CAPSL: variants seen among roughly 807,000 people sequenced by gnomAD.
CAPSL encodes the protein calcyphosine like.
Under a neutral mutation model 21.3 loss-of-function variants are expected in CAPSL, and 17 were observed. That is an observed-to-expected ratio of 0.80 (90% CI 0.55 to 1.20). The LOEUF (loss-of-function observed/expected upper bound fraction) is 1.20. CAPSL is among the 50% of genes most tolerant of loss of function. The pLI is 0.00. For synonymous variants in CAPSL, 102 were observed against 89.3 expected (o/e 1.14, Z -0.80); for missense variants, 289 against 259.3 (o/e 1.11, Z -0.79).
rs372951816 is a variant in CAPSL, at chr5:35,913,154, G to A, written c.138-2611C>T. Among the ~76,000 whole-genome samples, 17 of 152,226 alleles carry A rather than the reference G, an allele frequency of 1.1e-4. No homozygotes were observed. In the East Asian group the frequency reaches 1.4e-3, roughly 12 times the overall value. ...GAAATGAAGTGAGAAGAGAAGTTTA[G>A]AGATAAAAGAACAAAAAGAAATGAA... is the stretch of plus-strand genomic sequence containing the variant. On this transcript the variant is annotated intron_variant, in intron 2 of 4. Coordinates refer to ENST00000651391, the MANE Select transcript of CAPSL (RefSeq NM_001042625.2).
At chr5:35,907,729 T>G (rs1760711537) in intron 4 of CAPSL, among the ~76,000 whole-genome samples, 1 of 152,248 alleles carries the variant, frequency 6.6e-6, no homozygotes, top group Non-Finnish European at 1.5e-5. Flanking sequence ...CTAAATTTTT[T>G]GCATTATTTT....
chr5:35,911,655 A>C (rs1561436555), intron 2 of CAPSL, among the ~76,000 whole-genome samples: 1 of 152,214 alleles, frequency 6.6e-6, no homozygotes, highest in African/African-American at 2.4e-5. Context: ...CTAGGTAAAA[A>C]CTACGGAAGT....
chr5:35,912,456 C>A (rs1738253078), intron 2 of CAPSL, among the ~76,000 whole-genome samples: 1 of 152,126 alleles, frequency 6.6e-6, no homozygotes, highest in East Asian at 1.9e-4. Context: ...TGGGAGGCAC[C>A]CCCCAGTAGG....
chr5:35,922,319 C>A (rs1738560057), intron 1 of CAPSL, among the ~76,000 whole-genome samples: 1 of 152,172 alleles, frequency 6.6e-6, no homozygotes, highest in African/African-American at 2.4e-5. Flanking sequence ...AAGCCAATAA[C>A]TGAGGCCAGA....
At chr5:35,925,827 A>C (rs1738660127) in intron 1 of CAPSL, among the ~76,000 whole-genome samples, 1 of 152,160 alleles carries the variant, frequency 6.6e-6, no homozygotes, top group Non-Finnish European at 1.5e-5. Flanking sequence ...CTGTAATCCT[A>C]GCACTTTGGG....
chr5:35,921,262 T>C (rs1262596563), intron 1 of CAPSL, 142 bp from the exon 2 acceptor site: 1 of 968,342 alleles, frequency 1.0e-6, no homozygotes, highest in African/African-American at 1.6e-5. Context: ...TTTTTCTCTA[T>C]GCCAACTGTG....
chr5:35,915,516 T>C (rs1738355293), intron 2 of CAPSL, among the ~76,000 whole-genome samples: 1 of 152,138 alleles, frequency 6.6e-6, no homozygotes, highest in Non-Finnish European at 1.5e-5. Flanking sequence ...TCCACCATGA[T>C]CAAGTGGGCT....
chr5:35,915,401 C>G (rs995150006), intron 2 of CAPSL, among the ~76,000 whole-genome samples: 2 of 152,088 alleles, frequency 1.3e-5, no homozygotes, highest in Non-Finnish European at 2.9e-5. Context: ...GACAGAGACA[C>G]AACCAAAAAA....
chr5:35,926,211 G>A (rs1354365380), intron 1 of CAPSL, among the ~76,000 whole-genome samples: 1 of 152,176 alleles, frequency 6.6e-6, no homozygotes, highest in Non-Finnish European at 1.5e-5. Context: ...CCGTGTGGAC[G>A]GAGAGAGAAG....
In CAPSL at chr5:35,910,544, CTG is replaced by C. The variant is rs781449697; in HGVS notation, c.138-3_138-2del. The C allele has an allele frequency of 1.9e-6, 3 of 1,588,664 alleles. No individual in the cohort carries two copies. In the South Asian group the frequency reaches 3.4e-5, roughly 18 times the overall value. On this transcript the variant is annotated splice_acceptor_variant and splice_polypyrimidine_tract_variant and intron_variant, in intron 2 of 4. Transcript: ENST00000651391. LOFTEE classifies it high-confidence loss of function. ...ATCGTCATCCATAATTCTAAACACT[CTG>C]AAGAAAATACACACAAAAATTCAGA...
chr5:35,933,537 C>T (rs946846448), intron 1 of CAPSL, among the ~76,000 whole-genome samples: 7 of 152,134 alleles, frequency 4.6e-5, no homozygotes, highest in African/African-American at 1.7e-4. Flanking sequence ...GTGGTCACCA[C>T]AGGGCACTCA....
chr5:35,912,967 A>T (rs1242190993), intron 2 of CAPSL, among the ~76,000 whole-genome samples: 3 of 152,170 alleles, frequency 2.0e-5, no homozygotes, highest in Non-Finnish European at 4.4e-5. Context: ...TGAAAAAAAA[A>T]TTAGATGAAC....
Position 35,917,676 on chromosome 5 carries a change from T to C in CAPSL, c.137+3308A>G, listed in dbSNP as rs189589433. ...GTGGGAATTGAACAATGAGAACACA[T>C]GGACACAGGAAGGGGAACATCACAC... is the stretch of plus-strand genomic sequence containing the variant. On this transcript the variant is annotated intron_variant, in intron 2 of 4. Coordinates refer to ENST00000651391, the MANE Select transcript of CAPSL (RefSeq NM_001042625.2). 5.9e-3 allele frequency among the ~76,000 whole-genome samples: 902 copies of C among 151,994 alleles called. 4 individuals carry two copies. Among genetic ancestry groups the C allele is most frequent in the Non-Finnish European group, 8.7e-3 (592 of 67,978 alleles).
At chr5:35,933,739 G>GCTGTCATCCACCTCTCAACAGAGAA (rs1738876850) in intron 1 of CAPSL, among the ~76,000 whole-genome samples, 3 of 152,156 alleles carry the variant, frequency 2.0e-5, no homozygotes, top group African/African-American at 7.2e-5. Flanking sequence ...AGTAAGAAGA[G>GCTGTCATCCACCTCTCAACAGAGAA]CTGTCATCCA....
chr5:35,930,500 A>G (rs370848191), intron 1 of CAPSL, among the ~76,000 whole-genome samples: 2 of 152,236 alleles, frequency 1.3e-5, no homozygotes, highest in African/African-American at 4.8e-5. Flanking sequence ...CAATGTTTAA[A>G]GAGGCACACA....
chr5:35,929,542 T>C (rs1288015734), intron 1 of CAPSL, among the ~76,000 whole-genome samples: 1 of 152,124 alleles, frequency 6.6e-6, no homozygotes, highest in Admixed American at 6.5e-5. Flanking sequence ...CCACCCACCT[T>C]GGCCTCACAA....
intron 2 of CAPSL, among the ~76,000 whole-genome samples, chr5:35,914,899 C>CA (rs1738331494): frequency 6.6e-6 from 1 of 151,988 alleles, no homozygotes; most frequent in Non-Finnish European, 1.5e-5. Context: ...AAAAACTCTT[C>CA]AAAAAATCAT....
chr5:35,928,324 G>A lies in CAPSL; in HGVS notation c.1-7204C>T, dbSNP rs58872016. ...ATGAATTTCAAACATTCAAACCATA[G>A]CACTAGGTGTTGAGTATAGCCTAGC... On this transcript the variant is annotated intron_variant, in intron 1 of 4. Coordinates refer to ENST00000651391, the MANE Select transcript of CAPSL (RefSeq NM_001042625.2). 8.9e-3 allele frequency among the ~76,000 whole-genome samples: 1,353 copies of A among 152,286 alleles called. 27 individuals carry two copies. The highest frequency in any genetic ancestry group is 0.031 in the African/African-American group (1,287 of 41,564).
intron 2 of CAPSL, among the ~76,000 whole-genome samples, chr5:35,914,350 C>G (rs1201463016): frequency 6.6e-6 from 1 of 152,114 alleles, no homozygotes; most frequent in Non-Finnish European, 1.5e-5. Flanking sequence ...AGTTCTGCAC[C>G]AAGCGGACCT....
Sources: gnomAD v4.1 joint callset for allele counts (sites outside exome capture counted in the v4.1 genomes callset) on GRCh38, gnomAD v4.1.1 for gene constraint, MANE v1.5 for transcripts, NCBI Gene and HGNC (gene_info 2026-07-23, HGNC 2026-07-21) for gene names.